TSKS: variants seen among roughly 807,000 people sequenced by gnomAD.
TSKS encodes the protein testis-specific serine kinase substrate.
TSKS carries 27 observed loss-of-function variants against 68.0 expected under a neutral mutation model. The observed-to-expected ratio is 0.40, with a 90% confidence interval of 0.29 to 0.55. The LOEUF (loss-of-function observed/expected upper bound fraction) is 0.55, where lower values mean the gene tolerates loss of function less well. Ranked by LOEUF, TSKS falls within the 20% of genes least tolerant of loss-of-function variation. The pLI, the probability that TSKS is intolerant of heterozygous loss-of-function variation, is 0.53. For missense variants in TSKS, 806 were observed against 776.0 expected, an observed-to-expected ratio of 1.04 and a Z score of -0.46; for synonymous variants, 331 against 340.4, an observed-to-expected ratio of 0.97 and a Z score of 0.30.
intron 9 of TSKS, among the ~76,000 whole-genome samples, chr19:49,740,918 C>A (rs1343288680): frequency 6.6e-6 from 1 of 150,552 alleles, no homozygotes; most frequent in Non-Finnish European, 1.5e-5. Context: ...GTGGCTCACG[C>A]CTGTAATCCC....
rs1205560556 is a variant in TSKS, at chr19:49,749,023, A to T, written c.400-554T>A. Among the ~76,000 whole-genome samples, 5 of 151,846 alleles carry T rather than the reference A, an allele frequency of 3.3e-5. No individual in the cohort carries two copies. In the East Asian group the frequency reaches 7.8e-4, roughly 24 times the overall value. ...GGCTGCAGTGAGCTGAGATTGCACCACCGTACTCCAATCTGGGCGACAGAG... is the reference window on the plus strand; with the variant it reads ...GGCTGCAGTGAGCTGAGATTGCACCTCCGTACTCCAATCTGGGCGACAGAG... On this transcript the variant is annotated intron_variant, in intron 2 of 10. Coordinates refer to ENST00000246801, the MANE Select transcript of TSKS (RefSeq NM_021733.2).
chr19:49,748,145 C>G lies in TSKS; in HGVS notation c.519G>C (p.Glu173Asp). 1 of 1,614,166 alleles carries G rather than the reference C, an allele frequency of 6.2e-7. No homozygotes were observed. The highest frequency in any genetic ancestry group is 8.5e-7 in the Non-Finnish European group (1 of 1,180,032). The change falls in exon 4 of 11, where the codon GAG (glutamate) becomes GAC (aspartate). Residue 173 changes from glutamate (E) to aspartate (D), a missense_variant. Physicochemically the swap from Glu to Asp is conservative, Grantham distance 45 (BLOSUM62 2). Transcript: ENST00000246801. The part of the protein sequence containing the change: ...SLQSECSVLS[E>D]NLERRRQEAE... ...CCTCTTGCCGCCTTCTCTCCAGATT[C>G]TCGCTCAGCACAGAACACTCGCTCT... is the stretch of plus-strand genomic sequence containing the variant.
At chr19:49,760,732 G>A (rs575457774) in intron 2 of TSKS, among the ~76,000 whole-genome samples, 58 of 152,184 alleles carry the variant, frequency 3.8e-4, no homozygotes, top group Admixed American at 2.4e-3. Context: ...CGAGGCTGCA[G>A]TGAGTTGTGA....
At chr19:49,749,545 T>C (rs1369628645) in intron 2 of TSKS, among the ~76,000 whole-genome samples, 5 of 152,226 alleles carry the variant, frequency 3.3e-5, no homozygotes, top group East Asian at 1.9e-4. Flanking sequence ...CCAGGTTTCC[T>C]TGCAGCTAGG....
In TSKS at chr19:49,762,166, G is replaced by T. The variant is rs1436370660; in HGVS notation, c.237C>A (p.Cys79Ter). ...WCLNLKRSSA[C>*]TNVSLLNLAA... ...CCAGGTTGAGCAGTGACACGTTGGTGCAGGCCGAGGACCGTTTGAGGTTCA... is the reference window on the plus strand; with the variant it reads ...CCAGGTTGAGCAGTGACACGTTGGTTCAGGCCGAGGACCGTTTGAGGTTCA... Residue 79 changes from cysteine to a stop codon, truncating the protein, a stop_gained, in exon 2 of 11, where the codon TGC becomes TGA. Coordinates refer to ENST00000246801, the MANE Select transcript of TSKS (RefSeq NM_021733.2). LOFTEE classifies it high-confidence loss of function. 3.1e-6 allele frequency: 5 copies of T among 1,614,016 alleles called. No individual in the cohort carries two copies. Among genetic ancestry groups the T allele is most frequent in the Non-Finnish European group, 4.2e-6 (5 of 1,180,044 alleles).
intron 2 of TSKS, among the ~76,000 whole-genome samples, chr19:49,760,353 C>A (rs2084430242): frequency 6.6e-6 from 1 of 151,532 alleles, no homozygotes; most frequent in South Asian, 2.1e-4. Flanking sequence ...CAGACTCTCG[C>A]TGTGTCGCCC....
intron 8 of TSKS, 152 bp downstream of exon 8, chr19:49,744,079 G>C (rs750094869): frequency 2.3e-4 from 170 of 751,200 alleles, no homozygotes; most frequent in Non-Finnish European, 3.5e-4. Flanking sequence ...GAGGCTTCTA[G>C]TGCAGCAGGA....
rs767418792 is a variant in TSKS, at chr19:49,739,795, C to T, written c.1760G>A (p.Gly587Asp). The stretch of plus-strand genomic sequence containing the variant: ...GGCCATTTATTGTTCAGGGGCTGAG[C>T]CCCCCTGTTTTGGGGGGGTTCCTGC... ...SSAGTPPKQG[G>D]SAPEQ is the part of the protein sequence containing the mutation. Residue 587 changes from glycine (G) to aspartate (D), a missense_variant, in exon 11 of 11, where the codon GGC becomes GAC. Coordinates refer to ENST00000246801, the MANE Select transcript of TSKS (RefSeq NM_021733.2). The T allele has an allele frequency of 1.7e-5, 25 of 1,503,524 alleles. No homozygotes were observed. The highest frequency in any genetic ancestry group is 2.3e-5 in the Non-Finnish European group (25 of 1,083,670). 93.1% of individuals were successfully genotyped at this position (1,503,524 alleles called of 1,614,324 possible).
intron 5 of TSKS, chr19:49,747,108 GA>G (rs1000768849): frequency 6.7e-7 from 1 of 1,501,732 alleles, no homozygotes; most frequent in Non-Finnish European, 8.9e-7. Flanking sequence ...CATTTTGTTG[GA>G]AAATGAGTGG....
rs183432357 is a variant in TSKS at position 49,743,369 on chromosome 19, C to A, written c.1361+862G>T. 5.3e-5 allele frequency among the ~76,000 whole-genome samples: 8 copies of A among 151,942 alleles called. No homozygotes were observed. In the East Asian group the frequency reaches 1.5e-3, roughly 29 times the overall value. On this transcript the variant is annotated intron_variant, in intron 8 of 10. Transcript: ENST00000246801. ...CTGGGATAACAGGTGTGAGCCACTG[C>A]GTCCACCCTTTTTATTTTATTTTTA...
intron 2 of TSKS, among the ~76,000 whole-genome samples, chr19:49,749,926 TTTTA>T (rs564659899): frequency 2.0e-3 from 307 of 152,082 alleles, no homozygotes; most frequent in African/African-American, 6.7e-3. Flanking sequence ...TTTCTCTCTC[TTTTA>T]TTTATTTTTT....
chr19:49,748,442 C>T lies in TSKS; in HGVS notation c.427G>A (p.Ala143Thr), dbSNP rs758065236. The T allele has an allele frequency of 1.8e-4, 283 of 1,614,038 alleles. No homozygotes were observed. Among genetic ancestry groups the T allele is most frequent in the Non-Finnish European group, 2.2e-4 (259 of 1,180,012 alleles). The change falls in exon 3 of 11, where the codon GCC becomes ACC. Residue 143 changes from alanine to threonine, a missense_variant. Transcript: ENST00000246801. ...LSGVNSGLVR[A>T]KDSITSLKEK... ...TTCAAGCTGGTGATGGAGTCTTTGG[C>T]GCGGACCAATCCACTGTTGACCCCA...
At chr19:49,756,706 G>A (rs1039916613) in intron 2 of TSKS, among the ~76,000 whole-genome samples, 1 of 152,090 alleles carries the variant, frequency 6.6e-6, no homozygotes, top group Non-Finnish European at 1.5e-5. Flanking sequence ...CCTTTAAAAC[G>A]TGGAGCCTTA....
intron 2 of TSKS, among the ~76,000 whole-genome samples, chr19:49,752,610 G>C (rs1399699068): frequency 1.3e-5 from 2 of 152,140 alleles, no homozygotes; most frequent in Non-Finnish European, 2.9e-5. Flanking sequence ...CTAACATGGA[G>C]TGGGAGAGGG....
intron 5 of TSKS, chr19:49,747,114 G>A: frequency 6.6e-7 from 1 of 1,506,844 alleles, no homozygotes; most frequent in South Asian, 1.2e-5. Flanking sequence ...GTTGGAAAAT[G>A]AGTGGGCATG....
chr19:49,746,576 G>A lies in TSKS; in HGVS notation c.886C>T (p.His296Tyr), dbSNP rs373081192. Reference protein sequence around the residue: ...PGSPDKPSRPHGLVPAGWGMG... With the variant: ...PGSPDKPSRPYGLVPAGWGMG... ...CCCCAGCCTGCGGGGACCAGGCCGT[G>A]TGGCCGCGAGGGTTTGTCGGGACTC... Residue 296 changes from histidine to tyrosine, a missense_variant, in exon 6 of 11, where the codon CAC (histidine) becomes TAC (tyrosine). Physicochemically the swap from His to Tyr is moderately conservative, Grantham distance 83. Transcript: ENST00000246801. 29 of 1,612,630 alleles carry A rather than the reference G, an allele frequency of 1.8e-5. No individual in the cohort carries two copies. The African/African-American group carries it at 3.3e-4, about 19-fold the overall frequency.
At chr19:49,742,912 C>T (rs1222903478) in intron 8 of TSKS, among the ~76,000 whole-genome samples, 1 of 152,090 alleles carries the variant, frequency 6.6e-6, no homozygotes, top group Non-Finnish European at 1.5e-5. Context: ...GTGAGTCCCC[C>T]TTTCCTACAA....
At chr19:49,742,115 G>C (rs971579395) in intron 8 of TSKS, 95 bp from the exon 9 acceptor site, 1 of 1,445,376 alleles carries the variant, frequency 6.9e-7, no homozygotes, top group Admixed American at 2.0e-5. Context: ...ATTTGGCCTC[G>C]TTTCCAGTAT....
intron 9 of TSKS, among the ~76,000 whole-genome samples, chr19:49,741,518 C>T (rs370397019): frequency 1.3e-5 from 2 of 152,124 alleles, no homozygotes; most frequent in Non-Finnish European, 2.9e-5. Flanking sequence ...ATATAGCTGA[C>T]CCCAATGATC....
Sources: allele counts gnomAD v4.1 joint callset (sites outside exome capture counted in the v4.1 genomes callset), GRCh38; gene constraint gnomAD v4.1.1; transcripts MANE v1.5; gene names NCBI Gene and HGNC (gene_info 2026-07-23, HGNC 2026-07-21).